Variants in RCC1 observed in about 807,000 individuals in gnomAD.
The protein encoded by RCC1 is regulator of chromosome condensation.
In RCC1, 11 loss-of-function variants were observed where a neutral mutation model predicts 44.4. That is an observed-to-expected ratio of 0.25 (90% CI 0.16 to 0.41). RCC1 has a LOEUF of 0.41. Ranked by LOEUF, RCC1 falls within the 10% of genes least tolerant of loss-of-function variation. The probability of loss-of-function intolerance (pLI) is 1.00; values close to 1 mark genes in which losing one functional copy is unlikely to be tolerated. For synonymous variants in RCC1, 213 were observed against 216.5 expected (o/e 0.98, Z 0.14); for missense variants, 386 against 547.1 (o/e 0.71, Z 2.94).
At chr1:28,512,262 C>G (rs1662606179) in intron 3 of RCC1, among the ~76,000 whole-genome samples, 1 of 103,902 alleles carries the variant, frequency 9.6e-6, no homozygotes, top group African/African-American at 5.0e-5. Context: ...AACCACTATC[C>G]TCACCTCCCC....
intron 4 of RCC1, among the ~76,000 whole-genome samples, chr1:28,522,905 G>C (rs1454705366): frequency 2.0e-5 from 3 of 151,844 alleles, no homozygotes; most frequent in Non-Finnish European, 4.4e-5. Flanking sequence ...GGGGATGAGG[G>C]TGGGGACCGG....
intron 5 of RCC1, chr1:28,530,728 G>T: frequency 1.2e-6 from 1 of 834,492 alleles, no homozygotes; most frequent in Non-Finnish European, 1.8e-6. Context: ...GCGGGTTGGG[G>T]GGCCGCCTTT....
intron 2 of RCC1, 107 bp from the exon 3 acceptor site, chr1:28,508,722 GT>G (rs1206841810): frequency 1.9e-6 from 1 of 518,720 alleles, no homozygotes; most frequent in East Asian, 5.5e-5. Flanking sequence ...CCAGAGTCCT[GT>G]GGACAATGAC....
chr1:28,529,287 G>A (rs1264894010), intron 4 of RCC1, among the ~76,000 whole-genome samples: 2 of 145,132 alleles, frequency 1.4e-5, no homozygotes, highest in African/African-American at 2.6e-5. Context: ...GGGTTCAAGC[G>A]ATTCTCCTGC....
In RCC1 at chr1:28,536,752, G is replaced by A. The variant is rs1318141426; in HGVS notation, c.943G>A (p.Ala315Thr). The change falls in exon 12 of 13, where the codon GCA becomes ACA. Residue 315 changes from alanine (A) to threonine (T), a missense_variant. Physicochemically the swap from Ala to Thr is moderately conservative, Grantham distance 58. Coordinates refer to ENST00000683442, the MANE Select transcript of RCC1 (RefSeq NM_001381865.2). This position sits in a 1 kb window ranked among gnomAD's most constrained non-coding sequence, Gnocchi z 4.9. ...CTCTCTCCCTCCTCCCATAGGAAAA[G>A]CATACAGCCTGGGCCGGGCTGAGTA... ...HTVCMDSEGKAYSLGRAEYGR... is the reference protein window; with the variant it reads ...HTVCMDSEGKTYSLGRAEYGR... 6.2e-7 allele frequency: 1 copy of A among 1,613,932 alleles called. No individual in the cohort carries two copies. Among genetic ancestry groups the A allele is most frequent in the East Asian group, 2.2e-5 (1 of 44,880 alleles).
intron 7 of RCC1, among the ~76,000 whole-genome samples, chr1:28,534,138 A>G (rs1214406373): frequency 6.6e-6 from 1 of 151,914 alleles, no homozygotes; most frequent in Non-Finnish European, 1.5e-5. Context: ...TGGGCCTCCC[A>G]GAGTGCTGGA....
At chr1:28,510,899 G>A (rs1445116944) in intron 3 of RCC1, 1 of 152,156 alleles carries the variant, frequency 6.6e-6, no homozygotes, top group African/African-American at 2.4e-5. Flanking sequence ...TGAACCAGTG[G>A]TTTTAGTATG....
In RCC1 at chr1:28,509,701, G is replaced by C. The variant is rs1051898820; in HGVS notation, c.-153+796G>C. 3.3e-5 allele frequency: 5 copies of C among 152,218 alleles called. No individual in the cohort carries two copies. The East Asian group carries it at 9.6e-4, about 29-fold the overall frequency. 9.4% of individuals were successfully genotyped at this position (152,218 alleles called of 1,614,324 possible). On this transcript the variant is annotated intron_variant, in intron 3 of 12. Transcript: ENST00000683442. ...AGCCAAGAATCTGAATGGTACTGTT[G>C]AAGGAAACTAGCATGATAGCTTCAG... is the stretch of plus-strand genomic sequence containing the variant.
Position 28,536,387 on chromosome 1 carries a change from G to T in RCC1, c.937+6G>T. Reference sequence around the variant, plus strand: ...AGTCTGCATGGATTCGGAAGGTAGGGCCTTTACGTCCTTCTCTAGTTTGGG... The same window carrying T: ...AGTCTGCATGGATTCGGAAGGTAGGTCCTTTACGTCCTTCTCTAGTTTGGG... On this transcript the variant is annotated splice_donor_region_variant and intron_variant, in intron 11 of 12. Coordinates refer to ENST00000683442, the MANE Select transcript of RCC1 (RefSeq NM_001381865.2). This position sits in a 1 kb window ranked among gnomAD's most constrained non-coding sequence, Gnocchi z 4.9. The T allele has an allele frequency of 6.2e-7, 1 of 1,612,698 alleles. No individual in the cohort carries two copies. The highest frequency in any genetic ancestry group is 8.5e-7 in the Non-Finnish European group (1 of 1,179,610).
At chr1:28,509,861 AC>A (rs1459252715) in intron 3 of RCC1, 1 of 152,156 alleles carries the variant, frequency 6.6e-6, no homozygotes, top group Non-Finnish European at 1.5e-5. Context: ...GATGAGTTAG[AC>A]CGATTCTTTA....
chr1:28,519,917 G>C (rs1240549911), intron 4 of RCC1, among the ~76,000 whole-genome samples: 1 of 151,290 alleles, frequency 6.6e-6, no homozygotes, highest in Non-Finnish European at 1.5e-5. Context: ...CTATCGCCCA[G>C]GCTGTAGTAT....
chr1:28,530,529 G>A (rs766625241), intron 5 of RCC1: 2 of 1,603,296 alleles, frequency 1.2e-6, no homozygotes, highest in South Asian at 2.2e-5. Flanking sequence ...GCAGACACGA[G>A]GGCCGCTGCC....
rs188452590 is a variant in RCC1 at position 28,538,642 on chromosome 1, C to T, written c.*635C>T. Reference sequence around the variant, plus strand: ...CAGAAGCACAAAGCATACTCTTGCCCCTCAGGTGTTGCTTGTGTACATCGT... The same window carrying T: ...CAGAAGCACAAAGCATACTCTTGCCTCTCAGGTGTTGCTTGTGTACATCGT... On this transcript the variant is annotated 3_prime_UTR_variant, in exon 13 of 13. Coordinates refer to ENST00000683442, the MANE Select transcript of RCC1 (RefSeq NM_001381865.2). The T allele has an allele frequency of 1.8e-3, 271 of 152,376 alleles. 1 individual carries two copies. Among genetic ancestry groups the T allele is most frequent in the Non-Finnish European group, 2.8e-3 (191 of 68,092 alleles). 9.4% of individuals were successfully genotyped at this position (152,376 alleles called of 1,614,324 possible). A position where few individuals can be genotyped will look rare whatever the true frequency, so the allele number is the denominator to read the frequency against.
intron 2 of RCC1, chr1:28,508,591 C>A (rs764221240): frequency 3.9e-6 from 2 of 518,636 alleles, no homozygotes; most frequent in African/African-American, 3.9e-5. Context: ...TCACTCTCCC[C>A]AGGCTCTGTC....
Position 28,537,519 on chromosome 1 carries a change from C to T in RCC1, c.1091-313C>T, listed in dbSNP as rs183882023. 3.9e-3 allele frequency among the ~76,000 whole-genome samples: 598 copies of T among 152,290 alleles called. 2 individuals are homozygous for T. The highest frequency in any genetic ancestry group is 5.7e-3 in the Non-Finnish European group (389 of 68,028). ...TTGTGAAAAGCAAAGAATGCCATTC[C>T]AGGCAGAGGAACATCAGGGCAGTCT... On this transcript the variant is annotated intron_variant, in intron 12 of 12. Coordinates refer to ENST00000683442, the MANE Select transcript of RCC1 (RefSeq NM_001381865.2).
At chr1:28,517,216 C>G (rs531793760) in intron 4 of RCC1, among the ~76,000 whole-genome samples, 26 of 152,172 alleles carry the variant, frequency 1.7e-4, no homozygotes, top group Non-Finnish European at 2.9e-4. Flanking sequence ...TCTGAATCAA[C>G]ATGAAATCGA....
intron 12 of RCC1, among the ~76,000 whole-genome samples, chr1:28,537,268 T>C (rs1264125177): frequency 1.3e-5 from 2 of 152,124 alleles, no homozygotes; most frequent in Non-Finnish European, 2.9e-5. Context: ...CCAGGGACTT[T>C]TACTTAGAAT....
intron 1 of RCC1, chr1:28,506,557 G>A (rs1661952911): frequency 1.7e-5 from 4 of 230,520 alleles, no homozygotes; most frequent in African/African-American, 2.4e-5. Context: ...GTACGCGTTA[G>A]ACGGGCCTGG....
intron 1 of RCC1, chr1:28,507,180 G>A: frequency 2.8e-6 from 1 of 354,924 alleles, no homozygotes; most frequent in Non-Finnish European, 5.6e-6. Flanking sequence ...AGTACTAACC[G>A]CCTATTGTAA....
Sources: gnomAD v4.1 joint callset for allele counts (sites outside exome capture counted in the v4.1 genomes callset) on GRCh38, gnomAD v4.1.1 for gene constraint, Gnocchi (gnomAD v3.1) non-coding constraint, MANE v1.5 for transcripts, NCBI Gene and HGNC (gene_info 2026-07-23, HGNC 2026-07-21) for gene names.